SBF2: variants seen among roughly 807,000 people sequenced by gnomAD.
The protein encoded by SBF2 is myotubularin-related protein 13.
In SBF2, 112 loss-of-function variants were observed where a neutral mutation model predicts 225.2. The observed-to-expected ratio is 0.50, with a 90% CI of 0.43 to 0.58. The LOEUF (loss-of-function observed/expected upper bound fraction) is 0.58. Ranked by LOEUF, SBF2 falls within the 20% of genes least tolerant of loss-of-function variation. The pLI is 0.00. For missense variants in SBF2, 1,996 were observed against 2,206.2 expected, an observed-to-expected ratio of 0.90 and a Z score of 1.91; for synonymous variants, 763 against 773.3, an observed-to-expected ratio of 0.99 and a Z score of 0.22.
intron 26 of SBF2, among the ~76,000 whole-genome samples, chr11:9,834,782 G>A (rs569532128): frequency 1.3e-4 from 20 of 152,284 alleles, no homozygotes; most frequent in African/African-American, 4.8e-4. Flanking sequence ...AAGATACAAT[G>A]TGTATTAGAC....
rs757214892 is a variant in SBF2 at position 9,785,221 on chromosome 11, C to T, written c.5135G>A (p.Gly1712Glu). 23 of 1,614,038 alleles carry T rather than the reference C, an allele frequency of 1.4e-5. No homozygotes were observed. In the East Asian group the frequency reaches 5.1e-4, roughly 36 times the overall value. ...SLLHLPDSSM[G>E]EEQNSSISPS... is the part of the protein sequence containing the mutation. The stretch of plus-strand genomic sequence containing the variant: ...GGAGATGCTGGAATTCTGTTCCTCC[C>T]CCATGCTGCTGTCTGGGAGATGTAG... The change falls in exon 37 of 40, where the codon GGG becomes GAG. Residue 1712 changes from glycine (G) to glutamate (E), a missense_variant. By Grantham distance (98) the Gly-to-Glu change is moderately conservative (BLOSUM62 -2). Transcript: ENST00000256190.
In SBF2 at chr11:10,055,732, G is replaced by A. The variant is rs1308497377; in HGVS notation, c.142-12751C>T. Among the ~76,000 whole-genome samples, 15 of 152,248 alleles carry A rather than the reference G, an allele frequency of 9.9e-5. No individual in the cohort carries two copies. In the East Asian group the frequency reaches 2.9e-3, roughly 29 times the overall value. On this transcript the variant is annotated intron_variant, in intron 2 of 39. Coordinates refer to ENST00000256190, the MANE Select transcript of SBF2 (RefSeq NM_030962.4). Reference sequence around the variant, plus strand: ...TAAGAGCTAAGCTATGATTATGCAAGGGCATACAGTGGTATAACGGACAAT... The same window carrying A: ...TAAGAGCTAAGCTATGATTATGCAAAGGCATACAGTGGTATAACGGACAAT...
intron 20 of SBF2, 25 bp downstream of exon 20, chr11:9,853,515 T>G: frequency 1.2e-6 from 2 of 1,605,026 alleles, no homozygotes; most frequent in South Asian, 1.1e-5. Flanking sequence ...ATATTCTGAT[T>G]CTCTAATATC....
chr11:9,951,628 A>T (rs987040581), intron 16 of SBF2, among the ~76,000 whole-genome samples: 2 of 152,192 alleles, frequency 1.3e-5, no homozygotes, highest in Admixed American at 1.3e-4. Flanking sequence ...AAATGTACTT[A>T]ATTTCTTTAA....
intron 38 of SBF2, 120 bp from the exon 39 acceptor site, chr11:9,781,758 G>A (rs1328842399): frequency 7.8e-6 from 9 of 1,153,188 alleles, no homozygotes; most frequent in Middle Eastern, 1.9e-4. Context: ...ACTATGCCTC[G>A]AAGAATACAC....
At chr11:10,269,522 C>T (rs1962293938) in intron 1 of SBF2, among the ~76,000 whole-genome samples, 1 of 152,204 alleles carries the variant, frequency 6.6e-6, no homozygotes, top group Admixed American at 6.5e-5. Flanking sequence ...CTTGACCCGG[C>T]AGTTCCATTT....
At chr11:9,805,819 T>C (rs913849160) in intron 32 of SBF2, among the ~76,000 whole-genome samples, 8 of 152,106 alleles carry the variant, frequency 5.3e-5, no homozygotes, top group Non-Finnish European at 1.2e-4. Flanking sequence ...AGATGGGGTT[T>C]CACCATGTTG....
chr11:9,813,720 T>C (rs1166521380), intron 29 of SBF2, among the ~76,000 whole-genome samples: 1 of 152,110 alleles, frequency 6.6e-6, no homozygotes, highest in Non-Finnish European at 1.5e-5. Context: ...GGCAGACAGA[T>C]TACCTGAGGT....
chr11:10,223,889 C>G (rs72863321), intron 1 of SBF2, among the ~76,000 whole-genome samples: 8,102 of 152,110 alleles, frequency 0.053, 300 homozygotes, highest in Middle Eastern at 0.14. Context: ...ACCACAATAG[C>G]AACAGGAGGC....
intron 17 of SBF2, among the ~76,000 whole-genome samples, chr11:9,880,157 C>T (rs1490046338): frequency 6.7e-6 from 1 of 150,014 alleles, no homozygotes; most frequent in Non-Finnish European, 1.5e-5. Flanking sequence ...TTCTGTGGCC[C>T]CAGAGTTCAG....
At position 10,299,465 on chromosome 11, in the gene SBF2, G is replaced by A. The variant is rs1314879057; in HGVS notation, n.386+5027C>T. ...AGCAGCTACAGTATATATAGGTACT[G>A]TAAGAGTTTACAAGCTACTTTTACT... On this transcript the variant is annotated intron_variant and non_coding_transcript_variant, in intron 1 of 5. Coordinates refer to the SBF2 transcript ENST00000685217. Among the ~76,000 whole-genome samples the A allele has an allele frequency of 2.0e-5, 3 of 151,986 alleles. No individual in the cohort carries two copies. The East Asian group carries it at 5.8e-4, about 29-fold the overall frequency.
At chr11:9,966,828 C>T (rs772600596) in intron 14 of SBF2, among the ~76,000 whole-genome samples, 7 of 152,090 alleles carry the variant, frequency 4.6e-5, no homozygotes, top group Non-Finnish European at 7.4e-5. Context: ...ATGGCACGAC[C>T]GCTTTGGAAA....
chr11:10,201,558 T>G (rs1203929322), intron 1 of SBF2, among the ~76,000 whole-genome samples: 1 of 152,216 alleles, frequency 6.6e-6, no homozygotes, highest in Non-Finnish European at 1.5e-5. Context: ...GCCTTTTTTG[T>G]GGTTATTTAA....
At chr11:10,037,789 A>G (rs1949502928) in intron 3 of SBF2, among the ~76,000 whole-genome samples, 1 of 151,954 alleles carries the variant, frequency 6.6e-6, no homozygotes, top group Non-Finnish European at 1.5e-5. Context: ...GGGAGTACCA[A>G]AAATGATTGG....
At chr11:10,244,306 G>A (rs1959543428) in intron 1 of SBF2, among the ~76,000 whole-genome samples, 1 of 152,110 alleles carries the variant, frequency 6.6e-6, no homozygotes, top group Non-Finnish European at 1.5e-5. Context: ...ATGGTGTAAG[G>A]TAAGGGTCCA....
Position 9,817,024 on chromosome 11 carries a change from C to T in SBF2, c.3794G>A (p.Gly1265Asp). Residue 1265 changes from glycine to aspartate, a missense_variant and splice_region_variant, in exon 29 of 40, where the codon GGT becomes GAT. Physicochemically the swap from Gly to Asp is moderately conservative, Grantham distance 94 (BLOSUM62 -1). Coordinates refer to ENST00000256190, the MANE Select transcript of SBF2 (RefSeq NM_030962.4). ...TVRPAFALSP[G>D]VWASLRSSTR... ...GCTAGAGCGAAGACTTGCCCACACA[C>T]CTTCACAAAAGCCAAAGTCGTGGAG... The T allele has an allele frequency of 6.2e-7, 1 of 1,614,020 alleles. No individual in the cohort carries two copies. The highest frequency in any genetic ancestry group is 8.5e-7 in the Non-Finnish European group (1 of 1,180,000).
At chr11:9,980,788 GA>G (rs1946923547) in intron 13 of SBF2, among the ~76,000 whole-genome samples, 1 of 149,806 alleles carries the variant, frequency 6.7e-6, no homozygotes, top group Non-Finnish European at 1.5e-5. Context: ...CTGTGGTCTC[GA>G]TCTCCTGACT....
intron 1 of SBF2, among the ~76,000 whole-genome samples, chr11:10,213,143 C>T (rs1280251278): frequency 6.6e-6 from 1 of 152,120 alleles, no homozygotes; most frequent in African/African-American, 2.4e-5. Context: ...TACATTCATA[C>T]CAAGGCCAGA....
At chr11:9,814,439 A>G (rs1293720345) in intron 29 of SBF2, among the ~76,000 whole-genome samples, 1 of 152,142 alleles carries the variant, frequency 6.6e-6, no homozygotes, top group Non-Finnish European at 1.5e-5. Context: ...TAATAATTCT[A>G]TTTTTAAGGA....
Sources: gnomAD v4.1 joint callset for allele counts (sites outside exome capture counted in the v4.1 genomes callset) on GRCh38, gnomAD v4.1.1 for gene constraint, MANE v1.5 for transcripts, NCBI Gene and HGNC (gene_info 2026-07-23, HGNC 2026-07-21) for gene names.